The following PUM1 variants were observed in gnomAD, a reference collection of about 807,000 sequenced individuals.
PUM1 encodes the protein pumilio homolog 1.
PUM1 carries 13 observed loss-of-function variants against 131.8 expected under a neutral mutation model. That is an observed-to-expected ratio of 0.10 (90% CI 0.06 to 0.16). The LOEUF is 0.16. PUM1 is among the 10% of genes least tolerant of loss of function. The pLI is 1.00. For synonymous variants in PUM1, 509 were observed against 556.5 expected, an observed-to-expected ratio of 0.91 and a Z score of 1.20; for missense variants, 961 against 1,512.4, an observed-to-expected ratio of 0.64 and a Z score of 6.05.
At chr1:30,998,053 A>T (rs2124495211) in intron 5 of PUM1, among the ~76,000 whole-genome samples, 1 of 152,322 alleles carries the variant, frequency 6.6e-6, no homozygotes, top group African/African-American at 2.4e-5. Flanking sequence ...GCCTAACCAA[A>T]ATGGTGGGCT....
chr1:31,006,383 T>C (rs1428495705), intron 4 of PUM1, among the ~76,000 whole-genome samples: 1 of 152,174 alleles, frequency 6.6e-6, no homozygotes, highest in Admixed American at 6.5e-5. Context: ...AAAAACAATA[T>C]AATTTGTTCT....
chr1:30,935,899 C>T (rs1210904572), intron 21 of PUM1: 1 of 325,484 alleles, frequency 3.1e-6, no homozygotes. Flanking sequence ...GTAGCACACC[C>T]TGCCTGTGGG....
intron 1 of PUM1, 100 bp from the exon 2 acceptor site, chr1:31,059,677 AATGTCG>A: frequency 7.2e-7 from 1 of 1,391,002 alleles, no homozygotes; most frequent in Non-Finnish European, 9.7e-7. Context: ...ACAATAAATA[AATGTCG>A]TTGGTGGCAT....
chr1:30,980,992 T>C (rs993286095), intron 8 of PUM1, among the ~76,000 whole-genome samples: 1 of 152,244 alleles, frequency 6.6e-6, no homozygotes, highest in African/African-American at 2.4e-5. Flanking sequence ...CCACAACTTA[T>C]GTAATCAATG....
intron 5 of PUM1, among the ~76,000 whole-genome samples, chr1:30,998,576 C>A (rs1001099642): frequency 2.6e-5 from 4 of 152,078 alleles, no homozygotes; most frequent in African/African-American, 9.7e-5. Context: ...CTCAGGGGTT[C>A]AAAGCTGCAG....
intron 21 of PUM1, chr1:30,935,804 G>C (rs1208637384): frequency 2.6e-6 from 1 of 385,638 alleles, no homozygotes; most frequent in Non-Finnish European, 5.1e-6. Context: ...AATTGAGAAG[G>C]GCTCAGTGAG....
intron 3 of PUM1, among the ~76,000 whole-genome samples, chr1:31,011,389 A>C (rs1425533029): frequency 3.3e-5 from 5 of 152,236 alleles, no homozygotes. Flanking sequence ...TTTCAATTGA[A>C]AAAAAGTAAA....
chr1:31,041,021 A>T (rs1643797712), intron 2 of PUM1, among the ~76,000 whole-genome samples: 1 of 152,210 alleles, frequency 6.6e-6, no homozygotes, highest in African/African-American at 2.4e-5. Context: ...TCCAGGCAAG[A>T]AACATGAGCC....
At chr1:30,934,896 G>A (rs892502037) in intron 21 of PUM1, among the ~76,000 whole-genome samples, 6 of 152,146 alleles carry the variant, frequency 3.9e-5, no homozygotes, top group African/African-American at 1.2e-4. Flanking sequence ...GAAGTGAAAC[G>A]TTAATTACCT....
At chr1:31,062,558 T>C (rs1644392501) in intron 1 of PUM1, among the ~76,000 whole-genome samples, 1 of 149,664 alleles carries the variant, frequency 6.7e-6, no homozygotes, top group Non-Finnish European at 1.5e-5. Flanking sequence ...AGGCGGAGGT[T>C]GCAGTGAGCC....
At chr1:31,044,888 C>T (rs1643915558) in intron 2 of PUM1, among the ~76,000 whole-genome samples, 2 of 151,952 alleles carry the variant, frequency 1.3e-5, no homozygotes, top group Admixed American at 1.3e-4. Flanking sequence ...CGGCTTACTG[C>T]AACCTCCGCC....
chr1:30,994,931 G>A (rs2124489911), intron 6 of PUM1, 123 bp downstream of exon 6: 4 of 1,070,678 alleles, frequency 3.7e-6, no homozygotes, highest in Middle Eastern at 2.2e-4. Flanking sequence ...GCCTACACTA[G>A]ATTGGATTCT....
intron 3 of PUM1, among the ~76,000 whole-genome samples, chr1:31,022,234 T>C (rs190559376): frequency 2.6e-5 from 4 of 152,298 alleles, no homozygotes; most frequent in Admixed American, 2.6e-4. Context: ...GATAATGATA[T>C]CATATAGATC....
At chr1:30,975,155 T>A (rs1641082317) in intron 9 of PUM1, among the ~76,000 whole-genome samples, 1 of 152,142 alleles carries the variant, frequency 6.6e-6, no homozygotes, top group Non-Finnish European at 1.5e-5. Flanking sequence ...AGGGTTTGCG[T>A]GCTTAAAGTG....
intron 3 of PUM1, among the ~76,000 whole-genome samples, chr1:31,009,675 C>G (rs1051344085): frequency 1.4e-5 from 2 of 142,866 alleles, no homozygotes; most frequent in African/African-American, 5.2e-5. Flanking sequence ...GGCTGAGGCA[C>G]AAGAATTGCT....
At chr1:30,989,430 G>T (rs936809377) in intron 7 of PUM1, among the ~76,000 whole-genome samples, 1 of 151,886 alleles carries the variant, frequency 6.6e-6, no homozygotes, top group African/African-American at 2.4e-5. Flanking sequence ...AAATTAGCCA[G>T]GCACAGTGGT....
intron 11 of PUM1, among the ~76,000 whole-genome samples, chr1:30,967,979 A>C (rs1640693724): frequency 6.6e-6 from 1 of 152,246 alleles, no homozygotes. Flanking sequence ...GACCCTATCA[A>C]GGTATACCAG....
At chr1:31,013,537 TTA>T (rs1642698356) in intron 3 of PUM1, among the ~76,000 whole-genome samples, 1 of 152,222 alleles carries the variant, frequency 6.6e-6, no homozygotes, top group Non-Finnish European at 1.5e-5. Flanking sequence ...CAACACAAGC[TTA>T]GTTTCACTGG....
chr1:30,953,863 GGAA>G lies in PUM1; in HGVS notation c.2439_2441del (p.Ser815del). 1 of 1,614,232 alleles carries G rather than the reference GGAA, an allele frequency of 6.2e-7. No individual in the cohort carries two copies. The highest frequency in any genetic ancestry group is 8.5e-7 in the Non-Finnish European group (1 of 1,180,046). On this transcript the variant is annotated inframe_deletion, in exon 15 of 22. Coordinates refer to ENST00000426105, the MANE Select transcript of PUM1 (RefSeq NM_001020658.2). ...CAGACATTCCATATCGCAAACGAGAGGAAGAGAAAAGAGTGCTGCTCGGGCTGA... is the reference window on the plus strand; with the variant it reads ...CAGACATTCCATATCGCAAACGAGAGGAGAAAAGAGTGCTGCTCGGGCTGA...
Sources: allele counts gnomAD v4.1 joint callset (sites outside exome capture counted in the v4.1 genomes callset), GRCh38; gene constraint gnomAD v4.1.1; transcripts MANE v1.5; gene names NCBI Gene and HGNC (gene_info 2026-07-23, HGNC 2026-07-21).